MAGI1: variants seen among roughly 807,000 people sequenced by gnomAD.
MAGI1 encodes the protein membrane-associated guanylate kinase, WW and PDZ domain-containing protein 1.
In MAGI1, 58 loss-of-function variants were observed where a neutral mutation model predicts 139.9. The ratio of observed to expected loss-of-function variants is 0.41; its 90% confidence interval spans 0.34 to 0.52. The LOEUF is 0.52. Ranked by LOEUF, MAGI1 falls within the 20% of genes least tolerant of loss-of-function variation. The probability of loss-of-function intolerance (pLI) is 0.12; values close to 1 mark genes in which losing one functional copy is unlikely to be tolerated. For synonymous variants in MAGI1, 812 were observed against 737.9 expected (o/e 1.10, Z -1.63); for missense variants, 1,874 against 1,901.6 (o/e 0.99, Z 0.27).
At chr3:65,719,017 C>CAAAAAA (rs57290579) in intron 1 of MAGI1, among the ~76,000 whole-genome samples, 2 of 96,386 alleles carry the variant, frequency 2.1e-5, no homozygotes, top group Non-Finnish European at 4.2e-5. Flanking sequence ...ATAACCCTAC[C>CAAAAAA]AAAAAAAAAA....
At chr3:65,514,423 A>G (rs1173226879) in intron 2 of MAGI1, among the ~76,000 whole-genome samples, 2 of 133,606 alleles carry the variant, frequency 1.5e-5, no homozygotes, top group Non-Finnish European at 3.2e-5. Flanking sequence ...ACAAAGGGCT[A>G]ATATCCAGAA....
At chr3:65,373,590 C>G (rs554202457) in intron 18 of MAGI1, among the ~76,000 whole-genome samples, 126 of 152,298 alleles carry the variant, frequency 8.3e-4, no homozygotes, top group African/African-American at 3.0e-3. Context: ...CTGCAAAGCG[C>G]AATAAAATGA....
intron 2 of MAGI1, among the ~76,000 whole-genome samples, chr3:65,582,831 CAGCA>C (rs1341983794): frequency 6.6e-6 from 1 of 152,192 alleles, no homozygotes; most frequent in Non-Finnish European, 1.5e-5. Context: ...TACGCCACAT[CAGCA>C]AATGAACGCT....
intron 1 of MAGI1, among the ~76,000 whole-genome samples, chr3:65,771,063 T>A (rs571122099): frequency 2.9e-4 from 44 of 151,868 alleles, no homozygotes; most frequent in Non-Finnish European, 4.9e-4. Flanking sequence ...TCCCAGCGCT[T>A]TGGGAGGCCA....
At chr3:65,507,436 G>C (rs2077341414) in intron 2 of MAGI1, among the ~76,000 whole-genome samples, 1 of 152,180 alleles carries the variant, frequency 6.6e-6, no homozygotes, top group South Asian at 2.1e-4. Context: ...GATTACATGA[G>C]ACAACACATG....
At chr3:65,391,923 G>A (rs535916691) in intron 13 of MAGI1, among the ~76,000 whole-genome samples, 36 of 152,114 alleles carry the variant, frequency 2.4e-4, no homozygotes, top group Non-Finnish European at 4.6e-4. Flanking sequence ...ATGTTTACTG[G>A]TATTTCTAGG....
intron 1 of MAGI1, among the ~76,000 whole-genome samples, chr3:65,792,141 T>C (rs981677406): frequency 6.6e-6 from 1 of 152,194 alleles, no homozygotes; most frequent in Non-Finnish European, 1.5e-5. Context: ...AAAATAGCTA[T>C]TAATAGAAAA....
intron 1 of MAGI1, among the ~76,000 whole-genome samples, chr3:65,719,262 C>T (rs62243979): frequency 0.18 from 26,940 of 151,226 alleles, 2,724 homozygotes; most frequent in African/African-American, 0.25. Flanking sequence ...ATACAATACA[C>T]ACATACATAT....
chr3:65,565,117 T>C (rs1287061393), intron 2 of MAGI1, among the ~76,000 whole-genome samples: 1 of 152,144 alleles, frequency 6.6e-6, no homozygotes, highest in Non-Finnish European at 1.5e-5. Flanking sequence ...CACACATATA[T>C]ACGGGCACAA....
intron 1 of MAGI1, among the ~76,000 whole-genome samples, chr3:65,896,009 C>T (rs576114891): frequency 2.0e-5 from 3 of 152,262 alleles, no homozygotes; most frequent in South Asian, 4.1e-4. Context: ...TGACCCACTA[C>T]CATTGCATCT....
At chr3:65,448,292 GCAT>G in intron 6 of MAGI1, 2 of 586,180 alleles carry the variant, frequency 3.4e-6, no homozygotes, top group Non-Finnish European at 6.1e-6. Context: ...TCATTTCCTT[GCAT>G]GTCAAAATAG....
chr3:65,710,419 T>A (rs978938221), intron 1 of MAGI1, among the ~76,000 whole-genome samples: 1 of 151,896 alleles, frequency 6.6e-6, no homozygotes, highest in Non-Finnish European at 1.5e-5. Flanking sequence ...TAGCTGGGAT[T>A]ACAGGCATGC....
intron 1 of MAGI1, among the ~76,000 whole-genome samples, chr3:65,821,050 G>GGGT (rs10687604): frequency 0.52 from 78,651 of 151,474 alleles, 21,064 homozygotes; most frequent in East Asian, 0.77. Flanking sequence ...GCAAAGGAAA[G>GGGT]GGTGGTGGTA....
intron 1 of MAGI1, among the ~76,000 whole-genome samples, chr3:65,714,842 G>A (rs1306966023): frequency 6.6e-6 from 1 of 152,064 alleles, no homozygotes; most frequent in Non-Finnish European, 1.5e-5. Flanking sequence ...TGAAATTTCT[G>A]TTTACCACTG....
At chr3:66,031,339 A>T (rs572329676) in intron 1 of MAGI1, among the ~76,000 whole-genome samples, 12 of 152,208 alleles carry the variant, frequency 7.9e-5, no homozygotes, top group Admixed American at 3.9e-4. Context: ...CCTTCATGTA[A>T]ACCCTTGTGG....
intron 18 of MAGI1, among the ~76,000 whole-genome samples, chr3:65,371,471 T>A (rs1041539697): frequency 2.0e-5 from 3 of 152,244 alleles, no homozygotes; most frequent in Non-Finnish European, 4.4e-5. Flanking sequence ...TAATCTTTTT[T>A]TGCTGATGGA....
chr3:65,838,849 T>C (rs1281700368), intron 1 of MAGI1, among the ~76,000 whole-genome samples: 3 of 152,246 alleles, frequency 2.0e-5, no homozygotes, highest in Non-Finnish European at 4.4e-5. Flanking sequence ...ACCAACAATG[T>C]ATGAGAGACT....
intron 1 of MAGI1, among the ~76,000 whole-genome samples, chr3:65,636,703 TACAC>T (rs10662746): frequency 1.5e-4 from 22 of 148,568 alleles, no homozygotes; most frequent in African/African-American, 5.5e-4. Context: ...GGAAAACACA[TACAC>T]ACACACACAC....
At chr3:65,776,481 A>G (rs1251789579) in intron 1 of MAGI1, among the ~76,000 whole-genome samples, 1 of 152,200 alleles carries the variant, frequency 6.6e-6, no homozygotes, top group African/African-American at 2.4e-5. Context: ...CTTGTCAAAT[A>G]TATTAAATTA....
Sources: gnomAD v4.1 joint callset for allele counts (sites outside exome capture counted in the v4.1 genomes callset) on GRCh38, gnomAD v4.1.1 for gene constraint, MANE v1.5 for transcripts, NCBI Gene and HGNC (gene_info 2026-07-23, HGNC 2026-07-21) for gene names.